Variants in CEP95 observed in about 807,000 individuals in gnomAD.
CEP95 encodes the protein centrosomal protein of 95 kDa.
In CEP95, 98 loss-of-function variants were observed where a neutral mutation model predicts 111.2. That is an observed-to-expected ratio of 0.88 (90% CI 0.75 to 1.04). The LOEUF (loss-of-function observed/expected upper bound fraction) is 1.04. CEP95 is among the 50% of genes least tolerant of loss of function. The pLI, the probability that CEP95 is intolerant of heterozygous loss-of-function variation, is 0.00. For synonymous variants in CEP95, 323 were observed against 327.1 expected (o/e 0.99, Z 0.14); for missense variants, 1,027 against 977.2 (o/e 1.05, Z -0.68).
chr17:64,521,259 A>G (rs1967313492), intron 6 of CEP95, 143 bp from the exon 7 acceptor site: 2 of 613,544 alleles, frequency 3.3e-6, no homozygotes, highest in Admixed American at 3.1e-5. Flanking sequence ...AATAATTGGT[A>G]TTTTGAGCAG....
In CEP95 at chr17:64,527,870, G is replaced by GTATATA. The variant is rs376144614; in HGVS notation, c.1306+623_1306+628dup. 2.3e-4 allele frequency among the ~76,000 whole-genome samples: 26 copies of GTATATA among 112,640 alleles called. 1 individual carries two copies. Among genetic ancestry groups the GTATATA allele is most frequent in the South Asian group, 1.9e-3 (6 of 3,144 alleles). 73.9% of individuals were successfully genotyped at this position (112,640 alleles called of 152,430 possible). On this transcript the variant is annotated intron_variant, in intron 11 of 19. Coordinates refer to ENST00000556440, the MANE Select transcript of CEP95 (RefSeq NM_138363.3). ...CCACTTAATGTGTGTGTGTGTGTGT[G>GTATATA]TATATATATATATATATATATACAC...
At chr17:64,514,138 C>T (rs566986145) in intron 3 of CEP95, 110 bp from the exon 4 acceptor site, 6 of 520,642 alleles carry the variant, frequency 1.2e-5, no homozygotes, top group African/African-American at 7.6e-5. Flanking sequence ...TGGTATGTAT[C>T]GCCTGTATTC....
chr17:64,522,561 A>AT (rs1191410235), intron 7 of CEP95, 141 bp from the exon 8 acceptor site: 6 of 555,942 alleles, frequency 1.1e-5, no homozygotes, highest in Admixed American at 3.5e-5. Context: ...TGGTTTAATT[A>AT]TTTTTTTATG....
chr17:64,519,569 C>A (rs1324297588), intron 6 of CEP95, 133 bp downstream of exon 6: 4 of 632,728 alleles, frequency 6.3e-6, no homozygotes, highest in East Asian at 2.7e-5. Context: ...TCCAGAATAT[C>A]CCACTACCCA....
chr17:64,507,901 G>T (rs797024958), intron 1 of CEP95: 1 of 985,270 alleles, frequency 1.0e-6, no homozygotes, highest in Non-Finnish European at 1.2e-6. Context: ...TACAGAAACC[G>T]TTAAACTTTG....
At chr17:64,507,548 A>G in intron 1 of CEP95, 3 of 1,066,930 alleles carry the variant, frequency 2.8e-6, no homozygotes, top group Non-Finnish European at 3.4e-6. Flanking sequence ...ATAGTAGAAT[A>G]TGCCCCTGTA....
At chr17:64,512,129 A>C (rs554391220) in intron 3 of CEP95, among the ~76,000 whole-genome samples, 117 of 152,346 alleles carry the variant, frequency 7.7e-4, no homozygotes, top group Non-Finnish European at 7.2e-4. Context: ...AACAATCTCT[A>C]GCATATGTGA....
intron 1 of CEP95, chr17:64,507,415 G>T (rs1299703531): frequency 2.9e-6 from 4 of 1,365,350 alleles, no homozygotes; most frequent in Non-Finnish European, 3.8e-6. Flanking sequence ...TTGTCTTTCT[G>T]TGGGGCGTCT....
Position 64,529,274 on chromosome 17 carries a change from T to C in CEP95, c.1307-14T>C, listed in dbSNP as rs1024007408. ...TATCAGGAACTAATGTTATATGTCT[T>C]TTCTCTGTTGCAGGACTTTCCATGC... is the stretch of plus-strand genomic sequence containing the variant. On this transcript the variant is annotated splice_polypyrimidine_tract_variant and intron_variant, in intron 11 of 19. Coordinates refer to ENST00000556440, the MANE Select transcript of CEP95 (RefSeq NM_138363.3). 6.2e-7 allele frequency: 1 copy of C among 1,603,634 alleles called. No homozygotes were observed. The highest frequency in any genetic ancestry group is 8.5e-7 in the Non-Finnish European group (1 of 1,176,586).
chr17:64,513,095 G>C (rs1488569514), intron 3 of CEP95, among the ~76,000 whole-genome samples: 1 of 152,122 alleles, frequency 6.6e-6, no homozygotes, highest in Admixed American at 6.5e-5. Context: ...ATATACTTAG[G>C]TATTTTTAAG....
upstream of CEP95, chr17:64,506,976 C>G (rs782293978): frequency 2.7e-6 from 3 of 1,117,580 alleles, no homozygotes; most frequent in Admixed American, 4.0e-5. Flanking sequence ...TTTCACGCCT[C>G]CTTCCCCGCG....
At chr17:64,531,808 T>C in intron 13 of CEP95, 82 bp from the exon 14 acceptor site, 1 of 1,027,126 alleles carries the variant, frequency 9.7e-7, no homozygotes, top group Non-Finnish European at 1.3e-6. Flanking sequence ...TAGCTGTTTT[T>C]GTCAGTATGT....
At chr17:64,524,050 A>T (rs782446676) in intron 8 of CEP95, among the ~76,000 whole-genome samples, 9 of 152,230 alleles carry the variant, frequency 5.9e-5, no homozygotes, top group Non-Finnish European at 1.3e-4. Context: ...CACATTCTCA[A>T]CATTCTGTGC....
rs1008688385 is a variant in CEP95, at chr17:64,534,822, T to C, written c.2070+85T>C. 6.7e-6 allele frequency: 10 copies of C among 1,492,178 alleles called. No homozygotes were observed. The Admixed American group carries it at 1.2e-4, about 18-fold the overall frequency. 92.4% of individuals were successfully genotyped at this position (1,492,178 alleles called of 1,614,324 possible). On this transcript the variant is annotated intron_variant, in intron 17 of 19. Transcript: ENST00000556440. Reference sequence around the variant, plus strand: ...CCACCTTCTTTGTTCGTGACTCTTGTCCAAATTTGAATCCAAAATCTAAAC... The same window carrying C: ...CCACCTTCTTTGTTCGTGACTCTTGCCCAAATTTGAATCCAAAATCTAAAC...
chr17:64,528,101 T>C (rs1434923965), intron 11 of CEP95, among the ~76,000 whole-genome samples: 2 of 152,086 alleles, frequency 1.3e-5, no homozygotes, highest in African/African-American at 2.4e-5. Context: ...ATTGCACTGC[T>C]TTATACTCGT....
rs1457983404 is a variant in CEP95, at chr17:64,510,052, A to G, written c.149-121A>G. 9.3e-6 allele frequency: 6 copies of G among 642,018 alleles called. No individual in the cohort carries two copies. The Admixed American group carries it at 1.0e-4, about 11-fold the overall frequency. 39.8% of individuals were successfully genotyped at this position (642,018 alleles called of 1,614,324 possible). Reference sequence around the variant, plus strand: ...ATTAACTTTATCTGTACTTTACAGCATGTTCTGTTTGGGCAGAGCCTTTAT... The same window carrying G: ...ATTAACTTTATCTGTACTTTACAGCGTGTTCTGTTTGGGCAGAGCCTTTAT... On this transcript the variant is annotated intron_variant, in intron 2 of 19. Transcript: ENST00000556440.
chr17:64,537,275 A>C, intron 19 of CEP95, 163 bp downstream of exon 19: 1 of 1,402,890 alleles, frequency 7.1e-7, no homozygotes, highest in Non-Finnish European at 9.4e-7. Flanking sequence ...CATTTTGCAC[A>C]ACAACAAAAT....
intron 1 of CEP95, chr17:64,507,608 G>A: frequency 1.0e-6 from 1 of 992,822 alleles, no homozygotes; most frequent in Non-Finnish European, 1.2e-6. Flanking sequence ...CATGGGCTTT[G>A]TCTAGCACCG....
intron 10 of CEP95, among the ~76,000 whole-genome samples, 158 bp downstream of exon 10, chr17:64,526,358 ATC>A (rs1555679125): frequency 6.6e-6 from 1 of 152,216 alleles, no homozygotes; most frequent in Non-Finnish European, 1.5e-5. Context: ...ACAGGAAGTG[ATC>A]TCTCAGCGTT....
Sources: gnomAD v4.1 joint callset for allele counts (sites outside exome capture counted in the v4.1 genomes callset) on GRCh38, gnomAD v4.1.1 for gene constraint, MANE v1.5 for transcripts, NCBI Gene and HGNC (gene_info 2026-07-23, HGNC 2026-07-21) for gene names.